The following MXD1 variants were observed in gnomAD, a reference collection of about 807,000 sequenced individuals.
MXD1 encodes MAX-binding protein.
In MXD1, 9 loss-of-function variants were observed where a neutral mutation model predicts 25.7. The observed-to-expected ratio is 0.35, with a 90% CI of 0.21 to 0.61. The LOEUF is 0.61. Ranked by LOEUF, MXD1 falls within the 20% of genes least tolerant of loss-of-function variation. The pLI, the probability that MXD1 is intolerant of heterozygous loss-of-function variation, is 0.75. For synonymous variants in MXD1, 99 were observed against 113.9 expected, an observed-to-expected ratio of 0.87 and a Z score of 0.83; for missense variants, 227 against 292.4, an observed-to-expected ratio of 0.78 and a Z score of 1.63.
chr2:69,923,040 CAAAA>C (rs149259918), intron 3 of MXD1, among the ~76,000 whole-genome samples: 12 of 129,944 alleles, frequency 9.2e-5, no homozygotes, highest in Non-Finnish European at 1.9e-4. Flanking sequence ...TAGTAAACAC[CAAAA>C]AAAAAAAAAA....
chr2:69,931,691 A>G (rs1393645332), intron 3 of MXD1, among the ~76,000 whole-genome samples: 1 of 152,248 alleles, frequency 6.6e-6, no homozygotes, highest in Non-Finnish European at 1.5e-5. Context: ...CTATAGTTGT[A>G]TCTAAATTTG....
intron 3 of MXD1, among the ~76,000 whole-genome samples, chr2:69,933,200 C>CAAAAAAAAAAAAAAAAAAAAAAAA (rs59201689): frequency 1.2e-5 from 1 of 80,144 alleles, no homozygotes. Flanking sequence ...AACTCTGTCT[C>CAAAAAAAAAAAAAAAAAAAAAAAA]AAAAAAAAAA....
At chr2:69,923,518 A>G (rs1305197048) in intron 3 of MXD1, among the ~76,000 whole-genome samples, 1 of 152,170 alleles carries the variant, frequency 6.6e-6, no homozygotes, top group African/African-American at 2.4e-5. Context: ...GGGCAGACTA[A>G]ACCCTTCCCA....
chr2:69,938,033 C>T, intron 5 of MXD1, 64 bp from the exon 6 acceptor site: 1 of 1,505,460 alleles, frequency 6.6e-7, no homozygotes, highest in Non-Finnish European at 9.1e-7. Flanking sequence ...AAGCATGAGC[C>T]ACCACGCCTG....
At chr2:69,922,160 A>G (rs927311312) in intron 3 of MXD1, among the ~76,000 whole-genome samples, 3 of 152,274 alleles carry the variant, frequency 2.0e-5, no homozygotes, top group African/African-American at 7.2e-5. Flanking sequence ...GTAAGTATAT[A>G]TTAACACATG....
chr2:69,937,431 G>A (rs1337859064), intron 5 of MXD1, 37 bp downstream of exon 5: 3 of 1,536,104 alleles, frequency 2.0e-6, no homozygotes, highest in Non-Finnish European at 2.6e-6. Flanking sequence ...TCTCCCTTGT[G>A]CTCCCCAACC....
At position 69,941,340 on chromosome 2, in the gene MXD1, T is replaced by C. The variant is rs1255191546; in HGVS notation, c.*3056T>C. On this transcript the variant is annotated 3_prime_UTR_variant, in exon 6 of 6. Transcript: ENST00000264444. Reference sequence around the variant, plus strand: ...GGCCGAGCACCCAGGTCGTCTGTATTTTGGTTTTCTTTTGCTAAGCAGAGA... The same window carrying C: ...GGCCGAGCACCCAGGTCGTCTGTATCTTGGTTTTCTTTTGCTAAGCAGAGA... 6.6e-6 allele frequency: 1 copy of C among 152,164 alleles called. No homozygotes were observed. Among genetic ancestry groups the C allele is most frequent in the Non-Finnish European group, 1.5e-5 (1 of 68,042 alleles). 9.4% of individuals were successfully genotyped at this position (152,164 alleles called of 1,614,324 possible). A position where few individuals can be genotyped will look rare whatever the true frequency, so the allele number is the denominator to read the frequency against.
rs1677593988 is a variant in MXD1 at position 69,941,252 on chromosome 2, T to C, written c.*2968T>C. The C allele has an allele frequency of 6.6e-6, 1 of 152,226 alleles. No homozygotes were observed. The highest frequency in any genetic ancestry group is 1.5e-5 in the Non-Finnish European group (1 of 68,038). 9.4% of individuals were successfully genotyped at this position (152,226 alleles called of 1,614,324 possible). On this transcript the variant is annotated 3_prime_UTR_variant, in exon 6 of 6. Transcript: ENST00000264444. Reference sequence around the variant, plus strand: ...TAATTTCATGCAGTGGGAAAATATATATGTGTGCTTCTGTAACATCCTGAA... The same window carrying C: ...TAATTTCATGCAGTGGGAAAATATACATGTGTGCTTCTGTAACATCCTGAA...
At chr2:69,916,523 T>C (rs1174694369) in intron 2 of MXD1, 2 of 219,226 alleles carry the variant, frequency 9.1e-6, no homozygotes. Flanking sequence ...TTAGCAATGG[T>C]GACAGTATTT....
chr2:69,927,052 C>T (rs1677184548), intron 3 of MXD1, among the ~76,000 whole-genome samples: 1 of 152,216 alleles, frequency 6.6e-6, no homozygotes, highest in Non-Finnish European at 1.5e-5. Context: ...ATGGGGAAGA[C>T]TCTGCAGCCC....
chr2:69,927,627 T>C (rs1677196115), intron 3 of MXD1, among the ~76,000 whole-genome samples: 1 of 152,168 alleles, frequency 6.6e-6, no homozygotes, highest in South Asian at 2.1e-4. Flanking sequence ...AGTCAAATAG[T>C]GGGATAGAGC....
intron 2 of MXD1, among the ~76,000 whole-genome samples, chr2:69,921,151 A>T (rs1043205405): frequency 3.9e-5 from 6 of 152,180 alleles, no homozygotes; most frequent in Non-Finnish European, 7.4e-5. Context: ...GCAACCTATC[A>T]TCTTTATATT....
chr2:69,930,485 G>T (rs1276521017), intron 3 of MXD1, among the ~76,000 whole-genome samples: 1 of 152,104 alleles, frequency 6.6e-6, no homozygotes, highest in East Asian at 1.9e-4. Context: ...AGGAAATAAA[G>T]GAATCTTTTA....
chr2:69,941,882 AC>A lies in MXD1; in HGVS notation c.*3599del, dbSNP rs1298038631. 2 of 152,124 alleles carry A rather than the reference AC, an allele frequency of 1.3e-5. No homozygotes were observed. The highest frequency in any genetic ancestry group is 4.8e-5 in the African/African-American group (2 of 41,418). The allele number at this position is 152,124 out of a possible 1,614,324, so 9.4% of individuals were successfully genotyped here. A position where few individuals can be genotyped will look rare whatever the true frequency, so the allele number is the denominator to read the frequency against. ...TATATATACACACACACACACACAC[AC>A]ACATATTATTATTTAGGTTTTTATA... On this transcript the variant is annotated 3_prime_UTR_variant, in exon 6 of 6. Transcript: ENST00000264444.
At chr2:69,917,468 T>C (rs1676982924) in intron 2 of MXD1, among the ~76,000 whole-genome samples, 1 of 152,012 alleles carries the variant, frequency 6.6e-6, no homozygotes, top group Middle Eastern at 3.2e-3. Context: ...GTAAAACCAA[T>C]TAAGCTGTGT....
chr2:69,917,284 G>T (rs1228345368), intron 2 of MXD1, among the ~76,000 whole-genome samples: 1 of 152,146 alleles, frequency 6.6e-6, no homozygotes, highest in Non-Finnish European at 1.5e-5. Context: ...AGCATTACTT[G>T]TGCCATGCCC....
At chr2:69,937,448 C>CAGGG (rs3217643) in intron 5 of MXD1, 54 bp downstream of exon 5, 691,646 of 1,513,252 alleles carry the variant, frequency 0.46, 166,047 homozygotes, top group African/African-American at 0.8. Flanking sequence ...AACCCCAGAG[C>CAGGG]AGGGGTTCAG....
intron 3 of MXD1, among the ~76,000 whole-genome samples, chr2:69,923,376 G>C (rs967660763): frequency 2.6e-5 from 4 of 152,128 alleles, no homozygotes; most frequent in Non-Finnish European, 5.9e-5. Flanking sequence ...TCAGTGCCCT[G>C]CATGAACAAG....
chr2:69,917,383 T>G (rs1262946602), intron 2 of MXD1, among the ~76,000 whole-genome samples: 1 of 152,224 alleles, frequency 6.6e-6, no homozygotes, highest in African/African-American at 2.4e-5. Context: ...CTGAAGGTGG[T>G]AGCCAGTAGT....
Sources: allele counts gnomAD v4.1 joint callset (sites outside exome capture counted in the v4.1 genomes callset), GRCh38; gene constraint gnomAD v4.1.1; transcripts MANE v1.5; gene names NCBI Gene and HGNC (gene_info 2026-07-23, HGNC 2026-07-21).